MCM9: variants seen among roughly 807,000 people sequenced by gnomAD.
MCM9 encodes minichromosome maintenance 9 homologous recombination repair factor, also known as DNA helicase MCM9.
MCM9 carries 55 observed loss-of-function variants against 72.8 expected under a neutral mutation model. The ratio of observed to expected loss-of-function variants is 0.76; its 90% CI spans 0.61 to 0.95. The LOEUF (loss-of-function observed/expected upper bound fraction) is 0.95, where lower values mean the gene tolerates loss of function less well. MCM9 is among the 40% of genes least tolerant of loss of function. The pLI is 0.00. For synonymous variants in MCM9, 480 were observed against 503.4 expected (o/e 0.95, Z 0.62); for missense variants, 1,279 against 1,377.0 (o/e 0.93, Z 1.13).
chr6:118,820,345 G>T (rs959571373), intron 13 of MCM9, among the ~76,000 whole-genome samples: 5 of 152,144 alleles, frequency 3.3e-5, no homozygotes, highest in Admixed American at 6.6e-5. Context: ...TGGTTTCAAA[G>T]AACTTATTTA....
intron 9 of MCM9, among the ~76,000 whole-genome samples, chr6:118,844,905 T>G (rs982034267): frequency 6.6e-6 from 1 of 151,900 alleles, no homozygotes; most frequent in Non-Finnish European, 1.5e-5. Flanking sequence ...ATTACAGTTC[T>G]GGACAGGCCA....
chr6:118,851,137 G>A (rs550135703), intron 9 of MCM9, among the ~76,000 whole-genome samples: 2 of 151,932 alleles, frequency 1.3e-5, no homozygotes, highest in Admixed American at 6.5e-5. Context: ...ATTGAACCAT[G>A]TGAGAAATGT....
intron 3 of MCM9, 47 bp from the exon 4 acceptor site, chr6:118,924,174 T>C: frequency 1.3e-6 from 2 of 1,514,790 alleles, no homozygotes; most frequent in Non-Finnish European, 1.8e-6. Flanking sequence ...TCTTGAGATT[T>C]GACTCCAAGG....
chr6:118,879,647 A>G (rs1778156704), intron 8 of MCM9, among the ~76,000 whole-genome samples: 1 of 152,154 alleles, frequency 6.6e-6, no homozygotes, highest in South Asian at 2.1e-4. Flanking sequence ...CCATCAGAAT[A>G]AAAAATACTA....
Position 118,815,978 on chromosome 6 carries a change from C to T in MCM9, c.2278G>A (p.Val760Ile). The T allele has an allele frequency of 6.4e-7, 1 of 1,550,518 alleles. No individual in the cohort carries two copies. The highest frequency in any genetic ancestry group is 8.7e-7 in the Non-Finnish European group (1 of 1,146,964). Residue 760 changes from valine (V) to isoleucine (I), a missense_variant, in exon 14 of 14, where the codon GTT becomes ATT. Val to Ile is a conservative substitution (Grantham distance 29). Coordinates refer to ENST00000619706, the MANE Select transcript of MCM9 (RefSeq NM_017696.3). ...GATGTTTTGGGATGAGGAGACACAA[C>T]AACAGTGTTTTTAGGTTCACTCTGA... ...THQSEPKNTV[V>I]VSPHPKTSGE...
At chr6:118,838,226 G>A (rs1023948438) in intron 9 of MCM9, among the ~76,000 whole-genome samples, 8 of 149,436 alleles carry the variant, frequency 5.4e-5, no homozygotes, top group South Asian at 2.1e-4. Flanking sequence ...CAGTGGCAGC[G>A]ATCTCGGCTC....
chr6:118,826,173 C>G lies in MCM9; in HGVS notation c.1935G>C (p.Leu645Phe), dbSNP rs1774154797. 6.5e-7 allele frequency: 1 copy of G among 1,550,312 alleles called. No individual in the cohort carries two copies. The highest frequency in any genetic ancestry group is 1.2e-5 in the South Asian group (1 of 84,054). Residue 645 changes from leucine (L) to phenylalanine (F), a missense_variant, in exon 13 of 14, where the codon TTG (leucine) becomes TTC (phenylalanine). Physicochemically the swap from Leu to Phe is conservative, Grantham distance 22. Transcript: ENST00000619706. ...TTTCAAGTCTTCTAAGCTCTTCACT[C>G]AAGAGGCTCTGCAGCTCTAGCTTTT... ...ILEKLELQSL[L>F]SEELRRLERL...
intron 9 of MCM9, among the ~76,000 whole-genome samples, chr6:118,849,253 T>C (rs780722405): frequency 6.6e-6 from 1 of 151,718 alleles, no homozygotes; most frequent in Non-Finnish European, 1.5e-5. Flanking sequence ...AGTACAAATG[T>C]TAAAGGCCAC....
At chr6:118,838,630 C>G (rs188301657) in intron 9 of MCM9, among the ~76,000 whole-genome samples, 136 of 152,294 alleles carry the variant, frequency 8.9e-4, no homozygotes, top group African/African-American at 3.2e-3. Context: ...ACCATGTTAG[C>G]CAGGATGGTC....
intron 8 of MCM9, chr6:118,893,972 T>C (rs1352116887): frequency 5.4e-6 from 5 of 932,992 alleles, no homozygotes; most frequent in Non-Finnish European, 6.3e-6. Flanking sequence ...TCCGCCCCTC[T>C]CCGCGCCGCC....
At chr6:118,828,197 T>A (rs1023308391) in intron 10 of MCM9, 67 bp from the exon 11 acceptor site, 11 of 1,286,554 alleles carry the variant, frequency 8.5e-6, no homozygotes, top group Non-Finnish European at 1.2e-5. Context: ...TAAGGATTTT[T>A]ATAAAGTTCT....
intron 8 of MCM9, chr6:118,907,832 C>A: frequency 2.1e-6 from 1 of 477,052 alleles, no homozygotes; most frequent in Non-Finnish European, 3.7e-6. Flanking sequence ...TTTATTTGTT[C>A]TGAAACTAAT....
chr6:118,854,770 T>A (rs909029930), intron 9 of MCM9, among the ~76,000 whole-genome samples: 11 of 152,262 alleles, frequency 7.2e-5, no homozygotes, highest in Non-Finnish European at 7.3e-5. Flanking sequence ...TCTATTGGGA[T>A]ATGCTTTTTG....
At chr6:118,893,912 G>T in intron 8 of MCM9, 1 of 549,612 alleles carries the variant, frequency 1.8e-6, no homozygotes, top group Non-Finnish European at 2.3e-6. Context: ...GCGTCGGCCG[G>T]ATCGCGCCCT....
At chr6:118,892,625 T>C (rs140287015) in intron 8 of MCM9, among the ~76,000 whole-genome samples, 2,119 of 152,362 alleles carry the variant, frequency 0.014, 41 homozygotes, top group African/African-American at 0.048. Context: ...TATCTGCTAG[T>C]GTTAGGACCA....
chr6:118,826,915 G>A (rs914371614), intron 11 of MCM9, 51 bp from the exon 12 acceptor site: 3 of 1,400,966 alleles, frequency 2.1e-6, no homozygotes, highest in Admixed American at 2.1e-5. Flanking sequence ...GGTGAGAAAT[G>A]TAATTCTCTA....
chr6:118,827,930 C>T lies in MCM9; in HGVS notation c.1729G>A (p.Glu577Lys). The change falls in exon 11 of 14, where the codon GAA becomes AAA. Residue 577 changes from glutamate (E) to lysine (K), a missense_variant. By Grantham distance (56) the Glu-to-Lys change is moderately conservative. Coordinates refer to ENST00000619706, the MANE Select transcript of MCM9 (RefSeq NM_017696.3). ...TCATTCGCTGAATGAAATAGACCTT[C>T]TGCTAATCGTATCAAGCTTTCCAAC... Reference protein sequence around the residue: ...RLLESLIRLAEAHARLMFRDT... With the variant: ...RLLESLIRLAKAHARLMFRDT... 6.4e-7 allele frequency: 1 copy of T among 1,550,902 alleles called. No individual in the cohort carries two copies. The highest frequency in any genetic ancestry group is 8.7e-7 in the Non-Finnish European group (1 of 1,147,036).
intron 13 of MCM9, among the ~76,000 whole-genome samples, chr6:118,824,563 C>A (rs932069972): frequency 7.2e-5 from 11 of 152,150 alleles, no homozygotes; most frequent in African/African-American, 2.2e-4. Flanking sequence ...CCCACCTTGG[C>A]CTCACAAAGT....
intron 3 of MCM9, among the ~76,000 whole-genome samples, chr6:118,925,478 G>C (rs1305569305): frequency 2.6e-5 from 4 of 152,176 alleles, no homozygotes; most frequent in Admixed American, 6.5e-5. Context: ...GCAAATTAGA[G>C]TAACTGAATG....
Sources: allele counts gnomAD v4.1 joint callset (sites outside exome capture counted in the v4.1 genomes callset), GRCh38; gene constraint gnomAD v4.1.1; transcripts MANE v1.5; gene names NCBI Gene and HGNC (gene_info 2026-07-23, HGNC 2026-07-21).